Variants in KIAA1549 observed in about 807,000 individuals in gnomAD.
KIAA1549 encodes the protein KIAA1549, also known as UPF0606 protein KIAA1549.
KIAA1549 carries 70 observed loss-of-function variants against 156.4 expected under a neutral mutation model. That is an observed-to-expected ratio of 0.45 (90% confidence interval 0.37 to 0.55). KIAA1549 has a LOEUF of 0.55. KIAA1549 is among the 20% of genes least tolerant of loss of function. The pLI is 0.00. For synonymous variants in KIAA1549, 1,103 were observed against 1,066.4 expected (o/e 1.03, Z -0.67); for missense variants, 2,428 against 2,540.9 (o/e 0.96, Z 0.96).
At chr7:138,960,072 G>T (rs561875175) in intron 1 of KIAA1549, among the ~76,000 whole-genome samples, 1 of 152,238 alleles carries the variant, frequency 6.6e-6, no homozygotes, top group African/African-American at 2.4e-5. Context: ...GGGCCACTGA[G>T]GTCCAGGAGA....
chr7:138,848,852 T>C (rs914404632), intron 17 of KIAA1549, among the ~76,000 whole-genome samples: 15 of 152,332 alleles, frequency 9.8e-5, no homozygotes, highest in Admixed American at 5.2e-4. Flanking sequence ...ACTTTAAACA[T>C]AGTTACATGA....
intron 10 of KIAA1549, among the ~76,000 whole-genome samples, chr7:138,886,359 C>T (rs1411149003): frequency 6.6e-6 from 1 of 152,106 alleles, no homozygotes; most frequent in East Asian, 1.9e-4. Flanking sequence ...ACTGCAGCCT[C>T]AATCTCCCAA....
At chr7:138,910,719 T>TTTTC (rs1812144845) in intron 4 of KIAA1549, among the ~76,000 whole-genome samples, 3 of 148,820 alleles carry the variant, frequency 2.0e-5, no homozygotes, top group Non-Finnish European at 4.5e-5. Context: ...TTTTTTTTTT[T>TTTTC]TGTAGAGACA....
intron 1 of KIAA1549, among the ~76,000 whole-genome samples, chr7:138,947,925 G>A (rs1250694604): frequency 6.6e-6 from 1 of 152,012 alleles, no homozygotes; most frequent in Non-Finnish European, 1.5e-5. Flanking sequence ...ACGAAGCCAA[G>A]CTAATTTTCA....
chr7:138,949,062 A>G (rs750825434), intron 1 of KIAA1549, among the ~76,000 whole-genome samples: 19 of 152,184 alleles, frequency 1.2e-4, no homozygotes, highest in Non-Finnish European at 2.6e-4. Flanking sequence ...TACTAGGAGT[A>G]ACAGCTCTGT....
At chr7:138,851,455 T>C (rs1042064496) in intron 17 of KIAA1549, among the ~76,000 whole-genome samples, 2 of 152,152 alleles carry the variant, frequency 1.3e-5, no homozygotes, top group African/African-American at 4.8e-5. Flanking sequence ...TTAGAATCTG[T>C]GTCTGATAAC....
At chr7:138,839,361 A>G (rs1215960691) in intron 19 of KIAA1549, among the ~76,000 whole-genome samples, 1 of 152,212 alleles carries the variant, frequency 6.6e-6, no homozygotes, top group African/African-American at 2.4e-5. Context: ...AAATGAAAGC[A>G]CTTGTAGGAA....
At chr7:138,910,736 C>T (rs1584748968) in intron 4 of KIAA1549, among the ~76,000 whole-genome samples, 2 of 103,972 alleles carry the variant, frequency 1.9e-5, no homozygotes, top group Non-Finnish European at 1.8e-5. Context: ...GACAGGGTTT[C>T]ATCATGCTGC....
chr7:138,860,741 G>C (rs1164247782), intron 16 of KIAA1549, among the ~76,000 whole-genome samples: 1 of 152,160 alleles, frequency 6.6e-6, no homozygotes, highest in Non-Finnish European at 1.5e-5. Flanking sequence ...GACCATACAA[G>C]AAACTCAACA....
At chr7:138,844,550 C>T (rs1157814160) in intron 17 of KIAA1549, 76 bp from the exon 18 acceptor site, 7 of 1,336,764 alleles carry the variant, frequency 5.2e-6, no homozygotes, top group African/African-American at 4.5e-5. Context: ...CCACCCCCAA[C>T]CTTACAGAAG....
intron 6 of KIAA1549, 77 bp from the exon 7 acceptor site, chr7:138,905,158 C>T (rs773473175): frequency 8.2e-6 from 8 of 973,824 alleles, no homozygotes; most frequent in African/African-American, 3.2e-5. Context: ...AGTCCCAACA[C>T]ATCGTCTTTA....
At chr7:138,925,958 G>A (rs185427854) in intron 1 of KIAA1549, among the ~76,000 whole-genome samples, 6 of 148,766 alleles carry the variant, frequency 4.0e-5, no homozygotes, top group South Asian at 2.3e-4. Flanking sequence ...CTGAAGCCCC[G>A]CAGTCCACCT....
rs143502388 is a variant in KIAA1549 at position 138,906,619 on chromosome 7, G to A, written c.3460+300C>T. On this transcript the variant is annotated intron_variant, in intron 6 of 19. Coordinates refer to ENST00000422774, the MANE Select transcript of KIAA1549 (RefSeq NM_001164665.2). ...GGAGCTAAGCTATGAGGACACAAAGGCATAAGAATGATACAATGGACTTTG... is the reference window on the plus strand; with the variant it reads ...GGAGCTAAGCTATGAGGACACAAAGACATAAGAATGATACAATGGACTTTG... Among the ~76,000 whole-genome samples, 312 of 152,266 alleles carry A rather than the reference G, an allele frequency of 2.0e-3. 1 individual carries two copies. The highest frequency in any genetic ancestry group is 7.1e-3 in the African/African-American group (297 of 41,558).
chr7:138,852,663 A>G (rs926654027), intron 16 of KIAA1549, among the ~76,000 whole-genome samples: 4 of 152,250 alleles, frequency 2.6e-5, no homozygotes, highest in African/African-American at 9.6e-5. Context: ...AATTAGCACA[A>G]GTGACTCCAA....
At chr7:138,893,839 G>A (rs184986855) in intron 10 of KIAA1549, among the ~76,000 whole-genome samples, 184 of 152,374 alleles carry the variant, frequency 1.2e-3, no homozygotes, top group Non-Finnish European at 2.2e-3. Context: ...GGGAGGCCAA[G>A]GCAGGCAGAT....
At chr7:138,870,469 T>C (rs1468999456) in intron 13 of KIAA1549, among the ~76,000 whole-genome samples, 2 of 152,142 alleles carry the variant, frequency 1.3e-5, no homozygotes, top group African/African-American at 4.8e-5. Flanking sequence ...CTGACAGATA[T>C]AAAGAGGATA....
At chr7:138,965,137 C>T (rs1007002790) in intron 1 of KIAA1549, among the ~76,000 whole-genome samples, 2 of 151,778 alleles carry the variant, frequency 1.3e-5, no homozygotes, top group African/African-American at 4.8e-5. Flanking sequence ...TTTTTTACAT[C>T]GGGGTTAGGG....
chr7:138,930,484 T>A (rs1433022938), intron 1 of KIAA1549, among the ~76,000 whole-genome samples: 1 of 152,222 alleles, frequency 6.6e-6, no homozygotes, highest in Non-Finnish European at 1.5e-5. Context: ...AATCTGTTGT[T>A]TAGTCTAACT....
intron 10 of KIAA1549, among the ~76,000 whole-genome samples, chr7:138,891,846 G>A (rs1422532603): frequency 1.3e-5 from 2 of 152,186 alleles, no homozygotes; most frequent in Admixed American, 1.3e-4. Context: ...CTGAGGACGA[G>A]GCTAGAGGCC....
Sources: allele counts gnomAD v4.1 joint callset (sites outside exome capture counted in the v4.1 genomes callset), GRCh38; gene constraint gnomAD v4.1.1; transcripts MANE v1.5; gene names NCBI Gene and HGNC (gene_info 2026-07-23, HGNC 2026-07-21).